Variants in GDAP1 observed in about 807,000 individuals in gnomAD.
GDAP1 encodes the protein ganglioside induced differentiation associated protein 1, also known as ganglioside-induced differentiation-associated protein 1.
Under a neutral mutation model 40.1 loss-of-function variants are expected in GDAP1, and 34 were observed. The observed-to-expected ratio is 0.85, with a 90% CI of 0.64 to 1.13. The LOEUF (loss-of-function observed/expected upper bound fraction) is 1.13. Ranked by LOEUF, GDAP1 falls within the 50% of genes most tolerant of loss-of-function variation. The pLI is 0.00. For missense variants in GDAP1, 374 were observed against 433.7 expected (o/e 0.86, Z 1.22); for synonymous variants, 170 against 157.4 (o/e 1.08, Z -0.60).
In GDAP1 at chr8:74,352,675, G is replaced by A. The variant is rs75731542; in HGVS notation, c.310+1209G>A. ...AGCGTAAACCAAAGCATTTAATGAT[G>A]TACTTTCTTTTCATCTTTATTTGCT... On this transcript the variant is annotated intron_variant, in intron 2 of 5. Coordinates refer to ENST00000220822, the MANE Select transcript of GDAP1 (RefSeq NM_018972.4). Among the ~76,000 whole-genome samples the A allele has an allele frequency of 7.0e-4, 107 of 152,264 alleles. 1 individual carries two copies. In the East Asian group the frequency reaches 0.016, roughly 23 times the overall value.
At chr8:74,396,347 CTTTTA>C (rs779581366) in intron 2 of GDAP1, among the ~76,000 whole-genome samples, 351 of 150,078 alleles carry the variant, frequency 2.3e-3, no homozygotes, top group Admixed American at 5.3e-3. Flanking sequence ...TTCTTCCTTC[CTTTTA>C]TTTTATTATT....
At chr8:74,461,531 G>A (rs1045113227) in intron 2 of GDAP1, among the ~76,000 whole-genome samples, 2 of 152,148 alleles carry the variant, frequency 1.3e-5, no homozygotes, top group African/African-American at 4.8e-5. Context: ...GTGTTCATAT[G>A]CTGCCAAAAA....
At chr8:74,400,607 G>C (rs545980732) in intron 2 of GDAP1, among the ~76,000 whole-genome samples, 1 of 149,822 alleles carries the variant, frequency 6.7e-6, no homozygotes, top group African/African-American at 2.6e-5. Flanking sequence ...GATGTTAGCT[G>C]GTTATTTTGC....
At chr8:74,428,305 T>A (rs910981567) in intron 2 of GDAP1, among the ~76,000 whole-genome samples, 1 of 151,908 alleles carries the variant, frequency 6.6e-6, no homozygotes, top group African/African-American at 2.4e-5. Flanking sequence ...AATGAAAAAA[T>A]CATCATGATC....
intron 2 of GDAP1, among the ~76,000 whole-genome samples, chr8:74,427,702 A>C (rs749876188): frequency 5.3e-5 from 8 of 152,124 alleles, no homozygotes; most frequent in Non-Finnish European, 8.8e-5. Flanking sequence ...AAAAATGTAG[A>C]CTGTTACTCA....
chr8:74,377,506 AT>A (rs1418553710), intron 2 of GDAP1, among the ~76,000 whole-genome samples: 2 of 152,210 alleles, frequency 1.3e-5, no homozygotes, highest in African/African-American at 4.8e-5. Context: ...AAATATGCCA[AT>A]CATTATACTA....
chr8:74,484,483 C>T (rs1806750970), intron 2 of GDAP1, among the ~76,000 whole-genome samples: 1 of 152,168 alleles, frequency 6.6e-6, no homozygotes. Context: ...GAACACATTG[C>T]TGATTCTGCA....
chr8:74,353,781 A>C (rs550447841), intron 2 of GDAP1, among the ~76,000 whole-genome samples: 6 of 152,328 alleles, frequency 3.9e-5, no homozygotes, highest in South Asian at 4.1e-4. Context: ...AAGTTTGAGA[A>C]TACTGCTATA....
chr8:74,461,360 C>G (rs979649011), intron 2 of GDAP1, among the ~76,000 whole-genome samples: 3 of 152,066 alleles, frequency 2.0e-5, no homozygotes, highest in African/African-American at 7.2e-5. Context: ...CTGATTTTTG[C>G]CATTGTAAGT....
intron 2 of GDAP1, among the ~76,000 whole-genome samples, chr8:74,405,375 T>A (rs937168569): frequency 6.7e-6 from 1 of 150,244 alleles, no homozygotes; most frequent in Non-Finnish European, 1.5e-5. Context: ...GTTATTATAC[T>A]GTATTGTTTA....
intron 2 of GDAP1, among the ~76,000 whole-genome samples, chr8:74,470,297 C>A (rs541311804): frequency 6.6e-6 from 1 of 152,128 alleles, no homozygotes; most frequent in Non-Finnish European, 1.5e-5. Flanking sequence ...TACATGTGCA[C>A]AACGTGCAGG....
chr8:74,405,918 G>A (rs1453345490), intron 2 of GDAP1, among the ~76,000 whole-genome samples: 1 of 149,920 alleles, frequency 6.7e-6, no homozygotes, highest in Admixed American at 6.6e-5. Flanking sequence ...GGTACGGAAT[G>A]GTGTGTTCTG....
chr8:74,477,247 G>T (rs1291227579), intron 2 of GDAP1, among the ~76,000 whole-genome samples: 1 of 152,134 alleles, frequency 6.6e-6, no homozygotes, highest in African/African-American at 2.4e-5. Flanking sequence ...GAACCTCAGT[G>T]ATCTTCATCC....
At chr8:74,475,890 C>A (rs1002270242) in intron 2 of GDAP1, among the ~76,000 whole-genome samples, 3 of 151,878 alleles carry the variant, frequency 2.0e-5, no homozygotes, top group East Asian at 1.9e-4. Context: ...GTGTTGAATT[C>A]TCTCATTATT....
chr8:74,428,958 T>C (rs1805991107), intron 2 of GDAP1, among the ~76,000 whole-genome samples: 1 of 142,846 alleles, frequency 7.0e-6, no homozygotes, highest in Non-Finnish European at 1.5e-5. Context: ...AGTGAGAACA[T>C]GCGGTGTTTG....
intron 2 of GDAP1, among the ~76,000 whole-genome samples, chr8:74,425,747 G>C (rs549090447): frequency 6.6e-6 from 1 of 152,268 alleles, no homozygotes; most frequent in South Asian, 2.1e-4. Flanking sequence ...ACTTATCATT[G>C]GTCAAGTGTT....
At chr8:74,405,218 G>T (rs1305186315) in intron 2 of GDAP1, among the ~76,000 whole-genome samples, 1 of 149,830 alleles carries the variant, frequency 6.7e-6, no homozygotes, top group Non-Finnish European at 1.5e-5. Context: ...ATCAGATATT[G>T]TGAGAGTTAT....
intron 2 of GDAP1, among the ~76,000 whole-genome samples, chr8:74,374,858 C>G (rs1463763002): frequency 6.6e-6 from 1 of 152,070 alleles, no homozygotes; most frequent in East Asian, 1.9e-4. Context: ...TAAAAAATAA[C>G]CATTCTACAA....
At position 74,392,714 on chromosome 8, in the gene GDAP1, C is replaced by T. The variant is rs112421056; in HGVS notation, c.165+41393C>T. ...TGGTCTTGTGATGAGTTCTTGCCAACCCAATGAGAGCAGAGTGATTTATGC... is the reference window on the plus strand; with the variant it reads ...TGGTCTTGTGATGAGTTCTTGCCAATCCAATGAGAGCAGAGTGATTTATGC... On this transcript the variant is annotated intron_variant, in intron 2 of 2. Coordinates refer to the GDAP1 transcript ENST00000523640. 2.1e-3 allele frequency among the ~76,000 whole-genome samples: 323 copies of T among 152,300 alleles called. 1 individual carries two copies. The highest frequency in any genetic ancestry group is 7.2e-3 in the African/African-American group (299 of 41,564).
Sources: gnomAD v4.1 joint callset for allele counts (sites outside exome capture counted in the v4.1 genomes callset) on GRCh38, gnomAD v4.1.1 for gene constraint, MANE v1.5 for transcripts, NCBI Gene and HGNC (gene_info 2026-07-23, HGNC 2026-07-21) for gene names.